Variants in SLC7A6 observed in about 807,000 individuals in gnomAD.
The protein encoded by SLC7A6 is solute carrier family 7 member 6.
Under a neutral mutation model 46.6 loss-of-function variants are expected in SLC7A6, and 29 were observed. The ratio of observed to expected loss-of-function variants is 0.62; its 90% confidence interval spans 0.46 to 0.85. SLC7A6 has a LOEUF of 0.85. Among genes scored for constraint, SLC7A6 ranks in the 40% least tolerant of loss-of-function variants. SLC7A6 has a pLI of 0.00. For synonymous variants in SLC7A6, 276 were observed against 257.3 expected, an observed-to-expected ratio of 1.07 and a Z score of -0.70; for missense variants, 527 against 647.6, an observed-to-expected ratio of 0.81 and a Z score of 2.02.
At position 68,299,553 on chromosome 16, in the gene SLC7A6, C is replaced by A. The variant is rs2043233263; in HGVS notation, c.*2225C>A. On this transcript the variant is annotated 3_prime_UTR_variant, in exon 11 of 11. Transcript: ENST00000219343. The stretch of plus-strand genomic sequence containing the variant: ...TCTTTGTTGTCTGTCTCCTTAAATC[C>A]TTTTCCTGGTGTGCTTATTATCCCT... The A allele has an allele frequency of 6.6e-6, 1 of 152,346 alleles. No individual in the cohort carries two copies. 9.4% of individuals were successfully genotyped at this position (152,346 alleles called of 1,614,324 possible). A position where few individuals can be genotyped will look rare whatever the true frequency, so the allele number is the denominator to read the frequency against.
In SLC7A6 at chr16:68,290,404, G is replaced by C. The variant is rs892628500; in HGVS notation, c.658G>C (p.Glu220Gln). The change falls in exon 5 of 11, where the codon GAG becomes CAG. Residue 220 changes from glutamate to glutamine, a missense_variant. By Grantham distance (29) the Glu-to-Gln change is conservative. Transcript: ENST00000219343. ...GLVKLCQGHS[E>Q]HFQDAFEGSS... is the part of the protein sequence containing the mutation. ...TGCCTTTGCCCCCACAGGACACTCT[G>C]AGCACTTTCAGGACGCCTTTGAGGG... The C allele has an allele frequency of 1.2e-6, 2 of 1,613,938 alleles. No individual in the cohort carries two copies. Among genetic ancestry groups the C allele is most frequent in the East Asian group, 4.5e-5 (2 of 44,868 alleles).
At chr16:68,292,343 G>C (rs1344552487) in intron 7 of SLC7A6, 1 of 152,104 alleles carries the variant, frequency 6.6e-6, no homozygotes, top group African/African-American at 2.4e-5. Context: ...CTGCTACTTG[G>C]GCTCGGGGTT....
rs776835587 is a variant in SLC7A6 at position 68,274,808 on chromosome 16, G to T, written c.82G>T (p.Val28Phe). ...CAGCCAGTCCCAGGTGGAAGAAGAT[G>T]TCAGCTCGCCACCTCAAAGGTCCTC... The part of the protein sequence containing the change: ...NTSQSQVEED[V>F]SSPPQRSSET... Residue 28 changes from valine to phenylalanine, a missense_variant, in exon 3 of 11, where the codon GTC (valine) becomes TTC (phenylalanine). Transcript: ENST00000219343. 6.2e-7 allele frequency: 1 copy of T among 1,614,238 alleles called. No individual in the cohort carries two copies. Among genetic ancestry groups the T allele is most frequent in the South Asian group, 1.1e-5 (1 of 91,084 alleles).
At chr16:68,269,392 G>T (rs1218780729) in intron 2 of SLC7A6, among the ~76,000 whole-genome samples, 2 of 152,142 alleles carry the variant, frequency 1.3e-5, no homozygotes, top group Non-Finnish European at 2.9e-5. Flanking sequence ...TTTATTTTGG[G>T]AACTGGGTAC....
intron 7 of SLC7A6, chr16:68,292,842 C>T (rs1396648477): frequency 6.6e-6 from 1 of 152,180 alleles, no homozygotes; most frequent in Non-Finnish European, 1.5e-5. Flanking sequence ...TGACCACTTT[C>T]CAATTTTGAA....
At chr16:68,280,968 C>T (rs1192955899) in intron 3 of SLC7A6, among the ~76,000 whole-genome samples, 1 of 152,128 alleles carries the variant, frequency 6.6e-6, no homozygotes, top group Non-Finnish European at 1.5e-5. Context: ...GTCCTGACCT[C>T]GTGATCCGCC....
At position 68,294,756 on chromosome 16, in the gene SLC7A6, G is replaced by A; in HGVS notation, c.1074G>A (p.Met358Ile). ...REGHLPDLLS[M>I]IHIERFTPIP... ...GCCACCTACCGGACCTTCTGTCCAT[G>A]ATCCACATTGAGCGTTTTACACCTA... Residue 358 changes from methionine to isoleucine, a missense_variant, in exon 8 of 11, where the codon ATG becomes ATA. Transcript: ENST00000219343. 6.2e-7 allele frequency: 1 copy of A among 1,614,106 alleles called. No individual in the cohort carries two copies.
rs1160105516 is a variant in SLC7A6, at chr16:68,274,769, C to G, written c.43C>G (p.Leu15Val). Reference sequence around the variant, plus strand: ...TGGGAGGCCCACACCCACCTACCATCTTGTCCCTAACACCAGCCAGTCCCA... The same window carrying G: ...TGGGAGGCCCACACCCACCTACCATGTTGTCCCTAACACCAGCCAGTCCCA... ...EPGRPTPTYH[L>V]VPNTSQSQVE... Residue 15 changes from leucine (L) to valine (V), a missense_variant, in exon 3 of 11, where the codon CTT becomes GTT. By Grantham distance (32) the Leu-to-Val change is conservative. Transcript: ENST00000219343. 2 of 1,614,252 alleles carry G rather than the reference C, an allele frequency of 1.2e-6. No individual in the cohort carries two copies. Among genetic ancestry groups the G allele is most frequent in the Non-Finnish European group, 1.7e-6 (2 of 1,180,042 alleles).
rs746902851 is a variant in SLC7A6 at position 68,296,470 on chromosome 16, T to C, written c.1226T>C (p.Leu409Pro). ...FFVGLSVVGQ[L>P]YLRWKEPKRP... Reference sequence around the variant, plus strand: ...GTGGGCCTGTCTGTTGTTGGACAGCTCTACCTCCGCTGGAAGGAGCCCAAG... The same window carrying C: ...GTGGGCCTGTCTGTTGTTGGACAGCCCTACCTCCGCTGGAAGGAGCCCAAG... Residue 409 changes from leucine (L) to proline (P), a missense_variant, in exon 9 of 11, where the codon CTC (leucine) becomes CCC (proline). By Grantham distance (98) the Leu-to-Pro change is moderately conservative. Coordinates refer to ENST00000219343, the MANE Select transcript of SLC7A6 (RefSeq NM_003983.6). 3.1e-6 allele frequency: 5 copies of C among 1,614,144 alleles called. No homozygotes were observed. The highest frequency in any genetic ancestry group is 4.2e-6 in the Non-Finnish European group (5 of 1,180,018).
intron 3 of SLC7A6, among the ~76,000 whole-genome samples, chr16:68,277,233 C>G (rs1188636795): frequency 6.7e-6 from 1 of 150,176 alleles, no homozygotes; most frequent in East Asian, 2.0e-4. Flanking sequence ...ATTACAGGCG[C>G]CCACCACCAC....
Position 68,301,332 on chromosome 16 carries a change from A to T in SLC7A6, c.*4004A>T, listed in dbSNP as rs761649390. The T allele has an allele frequency of 3.0e-5, 49 of 1,614,020 alleles. No homozygotes were observed. The highest frequency in any genetic ancestry group is 4.1e-5 in the Non-Finnish European group (48 of 1,180,024). On this transcript the variant is annotated 3_prime_UTR_variant, in exon 11 of 11. Transcript: ENST00000219343. ...AGCCGAACTCCTTCTGCACATCCAG[A>T]GGGTACTTGCTCCACATCCGCTGTC...
intron 3 of SLC7A6, among the ~76,000 whole-genome samples, chr16:68,279,000 C>T (rs1029645552): frequency 3.3e-5 from 5 of 152,090 alleles, no homozygotes; most frequent in Non-Finnish European, 7.4e-5. Context: ...CCACCTCCCT[C>T]CTGGATGGGG....
At chr16:68,277,945 A>ATTT (rs1555530748) in intron 3 of SLC7A6, among the ~76,000 whole-genome samples, 10 of 148,350 alleles carry the variant, frequency 6.7e-5, no homozygotes, top group African/African-American at 2.2e-4. Flanking sequence ...TATTATTATT[A>ATTT]TTTTTCTTTT....
At chr16:68,284,361 G>C (rs1486016481) in intron 3 of SLC7A6, 1 of 152,290 alleles carries the variant, frequency 6.6e-6, no homozygotes, top group East Asian at 1.9e-4. Context: ...TATGTTCACG[G>C]TAAACCATGG....
Position 68,287,765 on chromosome 16 carries a change from C to G in SLC7A6, c.543C>G (p.Asn181Lys). 1 of 1,614,022 alleles carries G rather than the reference C, an allele frequency of 6.2e-7. No homozygotes were observed. Among genetic ancestry groups the G allele is most frequent in the Non-Finnish European group, 8.5e-7 (1 of 1,179,858 alleles). ...AACICLLTFVNCAYVKWGTRV... is the reference protein window; with the variant it reads ...AACICLLTFVKCAYVKWGTRV... ...TCCTAGGTCTGCTGACATTTGTGAA[C>G]TGTGCCTATGTCAAGTGGGGCACAC... is the stretch of plus-strand genomic sequence containing the variant. The change falls in exon 4 of 11, where the codon AAC (asparagine) becomes AAG (lysine). Residue 181 changes from asparagine to lysine, a missense_variant. By Grantham distance (94) the Asn-to-Lys change is moderately conservative. Transcript: ENST00000219343.
At chr16:68,293,955 T>C (rs995389569) in intron 7 of SLC7A6, among the ~76,000 whole-genome samples, 12 of 152,090 alleles carry the variant, frequency 7.9e-5, no homozygotes, top group South Asian at 4.1e-4. Context: ...TGGAGTGCAA[T>C]GGTGCGATCT....
chr16:68,280,606 T>C (rs183203282), intron 3 of SLC7A6, among the ~76,000 whole-genome samples: 2 of 152,276 alleles, frequency 1.3e-5, no homozygotes, highest in East Asian at 3.9e-4. Context: ...AAAAATTTCT[T>C]TTTTGTTTAT....
At position 68,297,274 on chromosome 16, in the gene SLC7A6, C is replaced by A; in HGVS notation, c.1494C>A (p.Val498=). Reference sequence around the variant, plus strand: ...GCACCCAGCAGCTTTGCTTTTGTGTCCTGACTGAGCTTGATGTAGCCGAAG... The same window carrying A: ...GCACCCAGCAGCTTTGCTTTTGTGTACTGACTGAGCTTGATGTAGCCGAAG... ...TRGTQQLCFC[V]LTELDVAEEK... The change falls in exon 11 of 11, where the codon GTC becomes GTA. Residue 498 remains valine, a synonymous_variant. Coordinates refer to ENST00000219343, the MANE Select transcript of SLC7A6 (RefSeq NM_003983.6). The A allele has an allele frequency of 6.2e-7, 1 of 1,614,102 alleles. No individual in the cohort carries two copies. The highest frequency in any genetic ancestry group is 8.5e-7 in the Non-Finnish European group (1 of 1,180,000).
chr16:68,294,429 G>GT (rs932179974), intron 7 of SLC7A6, among the ~76,000 whole-genome samples: 1 of 152,096 alleles, frequency 6.6e-6, no homozygotes, highest in African/African-American at 2.4e-5. Flanking sequence ...TGTTGGTGAG[G>GT]TATCTGTGGC....
Sources: allele counts gnomAD v4.1 joint callset (sites outside exome capture counted in the v4.1 genomes callset), GRCh38; gene constraint gnomAD v4.1.1; transcripts MANE v1.5; gene names NCBI Gene and HGNC (gene_info 2026-07-23, HGNC 2026-07-21).